Variants in ARHGAP24 observed in about 807,000 individuals in gnomAD.
The protein encoded by ARHGAP24 is Rho GTPase activating protein 24.
In ARHGAP24, 50 loss-of-function variants were observed where a neutral mutation model predicts 76.4. That is an observed-to-expected ratio of 0.65 (90% CI 0.52 to 0.83). The LOEUF is 0.83. Ranked by LOEUF, ARHGAP24 falls within the 40% of genes least tolerant of loss-of-function variation. The probability of loss-of-function intolerance (pLI) is 0.00; values close to 1 mark genes in which losing one functional copy is unlikely to be tolerated. For synonymous variants in ARHGAP24, 345 were observed against 323.3 expected, an observed-to-expected ratio of 1.07 and a Z score of -0.72; for missense variants, 930 against 914.2, an observed-to-expected ratio of 1.02 and a Z score of -0.22.
intron 3 of ARHGAP24, among the ~76,000 whole-genome samples, chr4:85,745,592 TA>T (rs10626605): frequency 9.0e-5 from 13 of 143,682 alleles, no homozygotes; most frequent in East Asian, 2.0e-4. Flanking sequence ...CCTTATCTCT[TA>T]AAAAAAAAAA....
At chr4:85,660,016 G>C (rs955184557) in intron 2 of ARHGAP24, among the ~76,000 whole-genome samples, 29 of 152,170 alleles carry the variant, frequency 1.9e-4, no homozygotes, top group African/African-American at 6.5e-4. Context: ...TTGTTGCTAG[G>C]GGGAGTTGCC....
rs181378937 is a variant in ARHGAP24, at chr4:85,847,393, A to G, written c.269-76255A>G. Reference sequence around the variant, plus strand: ...TGCTAGACACAGAAGATATTTAATAATGGTATAATATAGGTATTAATGATG... The same window carrying G: ...TGCTAGACACAGAAGATATTTAATAGTGGTATAATATAGGTATTAATGATG... On this transcript the variant is annotated intron_variant, in intron 3 of 9. Transcript: ENST00000395184. Among the ~76,000 whole-genome samples the G allele has an allele frequency of 2.8e-3, 424 of 152,336 alleles. 4 individuals carry two copies. Among genetic ancestry groups the G allele is most frequent in the African/African-American group, 9.8e-3 (406 of 41,580 alleles).
At chr4:85,646,143 T>G (rs988202609) in intron 2 of ARHGAP24, among the ~76,000 whole-genome samples, 2 of 152,128 alleles carry the variant, frequency 1.3e-5, no homozygotes, top group Non-Finnish European at 2.9e-5. Flanking sequence ...TATCATTGAT[T>G]AGTATTTCTT....
intron 3 of ARHGAP24, among the ~76,000 whole-genome samples, chr4:85,827,461 CGTGTGTGTGTGTGTGTGTGTGT>C (rs56379272): frequency 8.3e-4 from 90 of 108,712 alleles, no homozygotes; most frequent in South Asian, 2.6e-3. Context: ...GAAGTCTGCC[CGTGTGTGTGTGTGTGTGTGTGT>C]GTGTGTGTGT....
chr4:85,785,169 A>T (rs192555533), intron 3 of ARHGAP24, among the ~76,000 whole-genome samples: 1 of 152,244 alleles, frequency 6.6e-6, no homozygotes, highest in Non-Finnish European at 1.5e-5. Context: ...ATAATGAATA[A>T]CCTATGTCAA....
intron 2 of ARHGAP24, among the ~76,000 whole-genome samples, chr4:85,707,974 T>C (rs1484656966): frequency 6.6e-6 from 1 of 152,144 alleles, no homozygotes; most frequent in African/African-American, 2.4e-5. Flanking sequence ...GTAGGTGGCA[T>C]AATGATCTGA....
intron 2 of ARHGAP24, among the ~76,000 whole-genome samples, chr4:85,636,446 A>G (rs1242655872): frequency 6.6e-6 from 1 of 151,666 alleles, no homozygotes; most frequent in Non-Finnish European, 1.5e-5. Context: ...GTCATCATGT[A>G]TCTTCTTGCT....
rs1220713004 is a variant in ARHGAP24, at chr4:86,002,224, G to A, written c.*1502G>A. On this transcript the variant is annotated 3_prime_UTR_variant, in exon 10 of 10. Transcript: ENST00000395184. ...CTTGCATGTGTTTATTTATTTTCAA[G>A]AGGGAAAGTGGTCTGTACTGCTTTC... The A allele has an allele frequency of 6.6e-6, 1 of 152,190 alleles. No individual in the cohort carries two copies. The allele number at this position is 152,190 out of a possible 1,614,324, so 9.4% of individuals were successfully genotyped here.
At chr4:85,701,130 A>AAAGGTTTATAGAAAAGCC (rs1724070938) in intron 2 of ARHGAP24, among the ~76,000 whole-genome samples, 1 of 152,162 alleles carries the variant, frequency 6.6e-6, no homozygotes, top group African/African-American at 2.4e-5. Flanking sequence ...AGGAAAGGAG[A>AAAGGTTTATAGAAAAGCC]TGTGATAGTA....
intron 4 of ARHGAP24, chr4:85,930,179 G>C: frequency 1.1e-6 from 1 of 894,806 alleles, no homozygotes. Flanking sequence ...CAGGAGGAGG[G>C]GGAGGAGATG....
intron 2 of ARHGAP24, among the ~76,000 whole-genome samples, chr4:85,645,782 C>G (rs747622877): frequency 6.6e-6 from 1 of 152,040 alleles, no homozygotes; most frequent in Non-Finnish European, 1.5e-5. Flanking sequence ...GATAATCCAG[C>G]TGAGAGCTTA....
At chr4:85,718,390 C>T (rs1668673321) in intron 2 of ARHGAP24, among the ~76,000 whole-genome samples, 1 of 151,988 alleles carries the variant, frequency 6.6e-6, no homozygotes, top group Non-Finnish European at 1.5e-5. Flanking sequence ...TTTATACACA[C>T]ATGTATAAAC....
At chr4:85,956,615 C>T (rs748662944) in intron 5 of ARHGAP24, among the ~76,000 whole-genome samples, 48 of 152,032 alleles carry the variant, frequency 3.2e-4, no homozygotes, top group Non-Finnish European at 5.4e-4. Context: ...TATTAGAAGC[C>T]GTGGGTCATG....
At chr4:85,818,353 A>T (rs1311558348) in intron 3 of ARHGAP24, among the ~76,000 whole-genome samples, 1 of 152,222 alleles carries the variant, frequency 6.6e-6, no homozygotes, top group Non-Finnish European at 1.5e-5. Context: ...CACAGAAAAT[A>T]CTTAAAATCG....
chr4:85,723,698 A>C (rs1215828492), intron 3 of ARHGAP24: 1 of 152,216 alleles, frequency 6.6e-6, no homozygotes, highest in Non-Finnish European at 1.5e-5. Context: ...AAATCATCTT[A>C]CGGAGTGTGA....
intron 3 of ARHGAP24, among the ~76,000 whole-genome samples, chr4:85,921,278 G>A (rs894597218): frequency 1.3e-5 from 2 of 152,056 alleles, no homozygotes; most frequent in Admixed American, 6.5e-5. Context: ...AACTACCACA[G>A]GAACAGAAAA....
intron 5 of ARHGAP24, among the ~76,000 whole-genome samples, chr4:85,943,104 C>T (rs964595238): frequency 6.6e-6 from 1 of 152,064 alleles, no homozygotes; most frequent in Non-Finnish European, 1.5e-5. Context: ...TACATTATGA[C>T]ATTTTCATTA....
intron 3 of ARHGAP24, among the ~76,000 whole-genome samples, chr4:85,881,452 G>GGTT (rs1733248235): frequency 1.7e-5 from 1 of 57,260 alleles, no homozygotes; most frequent in Non-Finnish European, 3.3e-5. Context: ...GATTGTACAG[G>GGTT]GTTTTGTGTT....
At chr4:85,687,107 A>G (rs1216950871) in intron 2 of ARHGAP24, among the ~76,000 whole-genome samples, 1 of 151,982 alleles carries the variant, frequency 6.6e-6, no homozygotes, top group Non-Finnish European at 1.5e-5. Flanking sequence ...GGTGATGATG[A>G]TGATGATGAT....
Sources: gnomAD v4.1 joint callset for allele counts (sites outside exome capture counted in the v4.1 genomes callset) on GRCh38, gnomAD v4.1.1 for gene constraint, MANE v1.5 for transcripts, NCBI Gene and HGNC (gene_info 2026-07-23, HGNC 2026-07-21) for gene names.